PHACTR2: variants seen among roughly 807,000 people sequenced by gnomAD.
The protein encoded by PHACTR2 is chromosome 6 open reading frame 56.
Under a neutral mutation model 76.0 loss-of-function variants are expected in PHACTR2, and 30 were observed. That is an observed-to-expected ratio of 0.39 (90% CI 0.30 to 0.54). PHACTR2 has a LOEUF of 0.54. Ranked by LOEUF, PHACTR2 falls within the 20% of genes least tolerant of loss-of-function variation. PHACTR2 has a pLI of 0.61. For synonymous variants in PHACTR2, 292 were observed against 292.5 expected (o/e 1.00, Z 0.02); for missense variants, 696 against 781.1 (o/e 0.89, Z 1.30).
intron 1 of PHACTR2, among the ~76,000 whole-genome samples, chr6:143,572,446 A>ATG (rs974215591): frequency 2.0e-5 from 3 of 152,220 alleles, no homozygotes; most frequent in Non-Finnish European, 4.4e-5. Flanking sequence ...TCAAAATAGA[A>ATG]TGTGTGTGAG....
intron 6 of PHACTR2, among the ~76,000 whole-genome samples, chr6:143,771,105 C>A (rs1438873520): frequency 8.0e-6 from 1 of 124,270 alleles, no homozygotes; most frequent in African/African-American, 2.9e-5. Flanking sequence ...GGGATAAAAG[C>A]AGGATTAATT....
chr6:143,771,303 A>G (rs987313017), intron 6 of PHACTR2, among the ~76,000 whole-genome samples: 8 of 142,388 alleles, frequency 5.6e-5, no homozygotes, highest in Non-Finnish European at 1.1e-4. Flanking sequence ...TGGTGCTAGC[A>G]TGGCTCACTG....
At chr6:143,640,350 A>G (rs1776543065) in intron 1 of PHACTR2, among the ~76,000 whole-genome samples, 1 of 152,226 alleles carries the variant, frequency 6.6e-6, no homozygotes, top group Non-Finnish European at 1.5e-5. Context: ...AGAAGAAGAC[A>G]CAAAAGATGG....
intron 2 of PHACTR2, among the ~76,000 whole-genome samples, chr6:143,726,415 A>G (rs903961926): frequency 2.6e-5 from 4 of 152,198 alleles, no homozygotes; most frequent in Admixed American, 6.5e-5. Context: ...GAAACTCTAC[A>G]TCTATTAGCC....
rs1778193851 is a variant in PHACTR2, at chr6:143,712,195, A to T, written c.214+12A>T. The T allele has an allele frequency of 7.0e-7, 1 of 1,421,328 alleles. No individual in the cohort carries two copies. Among genetic ancestry groups the T allele is most frequent in the African/African-American group, 1.5e-5 (1 of 68,582 alleles). The allele number at this position is 1,421,328 out of a possible 1,614,324, so 88.0% of individuals were successfully genotyped here. On this transcript the variant is annotated intron_variant, in intron 2 of 12. Transcript: ENST00000440869. Reference sequence around the variant, plus strand: ...AGAAACCTCGGCAGGTATGAGTATCATAACTTGTTAGAAGATGGGATAAAT... The same window carrying T: ...AGAAACCTCGGCAGGTATGAGTATCTTAACTTGTTAGAAGATGGGATAAAT...
At position 143,624,193 on chromosome 6, in the gene PHACTR2, G is replaced by A. The variant is rs994076976; in HGVS notation, c.13+15871G>A. Among the ~76,000 whole-genome samples the A allele has an allele frequency of 2.0e-5, 3 of 151,976 alleles. No homozygotes were observed. The highest frequency in any genetic ancestry group is 1.3e-4 in the Admixed American group (2 of 15,264). ...CCAATCTCGGCTCATTACAACCTCT[G>A]CCCCCTGGGTTGAAGCAATTCTCCT... On this transcript the variant is annotated intron_variant, in intron 1 of 11. Coordinates refer to the PHACTR2 transcript ENST00000305766. This position sits in a 1 kb window ranked among gnomAD's most constrained non-coding sequence, Gnocchi z 4.6.
At chr6:143,805,620 G>A (rs1776048395) in intron 11 of PHACTR2, among the ~76,000 whole-genome samples, 2 of 152,172 alleles carry the variant, frequency 1.3e-5, no homozygotes, top group African/African-American at 4.8e-5. Context: ...TATCCTCACT[G>A]TTGATCGGAC....
chr6:143,630,482 TA>T (rs1776345325), intron 1 of PHACTR2, among the ~76,000 whole-genome samples: 1 of 152,098 alleles, frequency 6.6e-6, no homozygotes, highest in Non-Finnish European at 1.5e-5. Flanking sequence ...AAAAACAAAT[TA>T]AAAGTGTTGT....
chr6:143,711,413 A>T (rs991209209), intron 1 of PHACTR2, among the ~76,000 whole-genome samples: 8 of 152,204 alleles, frequency 5.3e-5, no homozygotes, highest in African/African-American at 1.9e-4. Flanking sequence ...AAGACATACA[A>T]AGACATGTTT....
Position 143,708,999 on chromosome 6 carries a change from A to G in PHACTR2, c.47-3017A>G, listed in dbSNP as rs1454530405. ...ATAATTAGCCCTTTTATATTTTACA[A>G]CATTTAAGTTGTTCAAAGTTAAGCC... On this transcript the variant is annotated intron_variant, in intron 1 of 12. Coordinates refer to ENST00000440869, the MANE Select transcript of PHACTR2 (RefSeq NM_001100164.2). This position sits in a 1 kb window ranked among gnomAD's most constrained non-coding sequence, Gnocchi z 5.5. Among the ~76,000 whole-genome samples the G allele has an allele frequency of 6.6e-6, 1 of 152,210 alleles. No individual in the cohort carries two copies. Among genetic ancestry groups the G allele is most frequent in the Non-Finnish European group, 1.5e-5 (1 of 68,044 alleles).
At chr6:143,798,818 G>A (rs540715040) in intron 11 of PHACTR2, among the ~76,000 whole-genome samples, 1 of 152,340 alleles carries the variant, frequency 6.6e-6, no homozygotes, top group South Asian at 2.1e-4. Context: ...TTGCACTGAT[G>A]TTCATCGGGG....
chr6:143,695,597 G>C lies in PHACTR2; in HGVS notation c.47-16419G>C, dbSNP rs944274538. Among the ~76,000 whole-genome samples the C allele has an allele frequency of 6.6e-6, 1 of 152,182 alleles. No individual in the cohort carries two copies. The highest frequency in any genetic ancestry group is 6.5e-5 in the Admixed American group (1 of 15,284). On this transcript the variant is annotated intron_variant, in intron 1 of 12. Coordinates refer to ENST00000440869, the MANE Select transcript of PHACTR2 (RefSeq NM_001100164.2). The surrounding 1 kb of genome is among the most constrained non-coding windows in gnomAD (Gnocchi z 4.4). ...TAGAGGCAAAGGGAATGAGCATAAGGTTCCTGCTAGATCTTTAAAAGGGAA... is the reference window on the plus strand; with the variant it reads ...TAGAGGCAAAGGGAATGAGCATAAGCTTCCTGCTAGATCTTTAAAAGGGAA...
rs562322959 is a variant in PHACTR2 at position 143,823,305 on chromosome 6, C to T, written c.1923-369C>T. Among the ~76,000 whole-genome samples, 93 of 152,224 alleles carry T rather than the reference C, an allele frequency of 6.1e-4. No individual in the cohort carries two copies. Among genetic ancestry groups the T allele is most frequent in the African/African-American group, 1.9e-3 (79 of 41,536 alleles). ...TGTTACTGTGCTTTTATAATACAGA[C>T]GAGGTGTACCAAAATCCCTTTGTGA... On this transcript the variant is annotated intron_variant, in intron 12 of 12. Coordinates refer to ENST00000440869, the MANE Select transcript of PHACTR2 (RefSeq NM_001100164.2). This position sits in a 1 kb window ranked among gnomAD's most constrained non-coding sequence, Gnocchi z 5.7.
At position 143,767,979 on chromosome 6, in the gene PHACTR2, G is replaced by A. The variant is rs188679098; in HGVS notation, c.1232+2181G>A. ...CAGCCTCCCCAGTAACTGGAACTAC[G>A]GGTGCCTGCCACCACGCCTGGCTAA... On this transcript the variant is annotated intron_variant, in intron 6 of 12. Coordinates refer to ENST00000440869, the MANE Select transcript of PHACTR2 (RefSeq NM_001100164.2). This position sits in a 1 kb window ranked among gnomAD's most constrained non-coding sequence, Gnocchi z 4.4. Among the ~76,000 whole-genome samples, 413 of 152,018 alleles carry A rather than the reference G, an allele frequency of 2.7e-3. 7 individuals carry two copies. Among genetic ancestry groups the A allele is most frequent in the African/African-American group, 9.6e-3 (398 of 41,460 alleles).
chr6:143,561,773 AG>A lies in PHACTR2; in HGVS notation c.217+24567del, dbSNP rs1256333158. On this transcript the variant is annotated intron_variant, in intron 1 of 11. Coordinates refer to the PHACTR2 transcript ENST00000367584. This position sits in a 1 kb window ranked among gnomAD's most constrained non-coding sequence, Gnocchi z 4.1. ...CAGCTTTGCTGAGTACCAGAAGGCC[AG>A]TAAGTAAGGCAGTGAGCCAGGGAGA... The A allele has an allele frequency of 6.6e-6, 1 of 152,298 alleles. No individual in the cohort carries two copies. Among genetic ancestry groups the A allele is most frequent in the Non-Finnish European group, 1.5e-5 (1 of 68,096 alleles). The allele number at this position is 152,298 out of a possible 1,614,324, so 9.4% of individuals were successfully genotyped here.
chr6:143,787,274 C>T lies in PHACTR2; in HGVS notation c.1708-1499C>T, dbSNP rs963376487. ...ATTTCTAACCTATATTGCCATTGGT[C>T]ACTTTCCTTCTAGCCAGTTCTTAGG... On this transcript the variant is annotated intron_variant, in intron 10 of 12. Transcript: ENST00000440869. This position sits in a 1 kb window ranked among gnomAD's most constrained non-coding sequence, Gnocchi z 4.6. Among the ~76,000 whole-genome samples, 1 of 152,246 alleles carries T rather than the reference C, an allele frequency of 6.6e-6. No individual in the cohort carries two copies. Among genetic ancestry groups the T allele is most frequent in the South Asian group, 2.1e-4 (1 of 4,838 alleles).
At chr6:143,665,841 C>T (rs906260596) in intron 1 of PHACTR2, among the ~76,000 whole-genome samples, 9 of 152,140 alleles carry the variant, frequency 5.9e-5, no homozygotes, top group East Asian at 5.8e-4. Flanking sequence ...GCAACCTTAT[C>T]GCACTCGTAG....
At chr6:143,574,514 A>T (rs1775483640) in intron 1 of PHACTR2, among the ~76,000 whole-genome samples, 1 of 152,158 alleles carries the variant, frequency 6.6e-6, no homozygotes, top group Non-Finnish European at 1.5e-5. Context: ...AGGCAATTAG[A>T]TTTTTAAAGT....
rs1241777441 is a variant in PHACTR2 at position 143,730,660 on chromosome 6, A to G, written c.215-18325A>G. On this transcript the variant is annotated intron_variant, in intron 2 of 12. Coordinates refer to ENST00000440869, the MANE Select transcript of PHACTR2 (RefSeq NM_001100164.2). This position sits in a 1 kb window ranked among gnomAD's most constrained non-coding sequence, Gnocchi z 4.8. Reference sequence around the variant, plus strand: ...GCTAGGACTTGTACTACAATAGTAAACAGCAGTGTTGAAGGAGATATCCAT... The same window carrying G: ...GCTAGGACTTGTACTACAATAGTAAGCAGCAGTGTTGAAGGAGATATCCAT... 1.3e-5 allele frequency among the ~76,000 whole-genome samples: 2 copies of G among 152,162 alleles called. No individual in the cohort carries two copies. Among genetic ancestry groups the G allele is most frequent in the Admixed American group, 6.5e-5 (1 of 15,270 alleles).
Sources: gnomAD v4.1 joint callset for allele counts (sites outside exome capture counted in the v4.1 genomes callset) on GRCh38, gnomAD v4.1.1 for gene constraint, Gnocchi (gnomAD v3.1) non-coding constraint, MANE v1.5 for transcripts, NCBI Gene and HGNC (gene_info 2026-07-23, HGNC 2026-07-21) for gene names.